Variants in PDE1C observed in about 807,000 individuals in gnomAD.
The protein encoded by PDE1C is dual specificity calcium/calmodulin-dependent 3',5'-cyclic nucleotide phosphodiesterase 1C.
Under a neutral mutation model 93.1 loss-of-function variants are expected in PDE1C, and 62 were observed. That is an observed-to-expected ratio of 0.67 (90% CI 0.54 to 0.82). The LOEUF is 0.82. PDE1C is among the 40% of genes least tolerant of loss of function. The pLI is 0.00. For synonymous variants in PDE1C, 325 were observed against 310.1 expected, an observed-to-expected ratio of 1.05 and a Z score of -0.50; for missense variants, 742 against 884.6, an observed-to-expected ratio of 0.84 and a Z score of 2.04.
chr7:32,213,587 C>T (rs1981634), intron 1 of PDE1C, among the ~76,000 whole-genome samples: 61,682 of 152,042 alleles, frequency 0.41, 12,575 homozygotes, highest in East Asian at 0.54. Context: ...CAGGCCTGTT[C>T]GGACACACCC....
At position 31,828,295 on chromosome 7, in the gene PDE1C, C is replaced by A; in HGVS notation, c.1282G>T (p.Val428Leu). ...CCAAAGAGCTGCAAACACGTACCTA[C>A]TTGTGACTGAGCAACCATAGTGGAC... ...RKSTMVAQSQ[V>L]GFIDFIVEPT... The change falls in exon 12 of 18, where the codon GTA becomes TTA. Residue 428 changes from valine (V) to leucine (L), a missense_variant. Transcript: ENST00000396191. 6.2e-7 allele frequency: 1 copy of A among 1,612,022 alleles called. No homozygotes were observed. Among genetic ancestry groups the A allele is most frequent in the Non-Finnish European group, 8.5e-7 (1 of 1,178,484 alleles).
chr7:32,077,944 G>A (rs769271533), intron 3 of PDE1C: 218 of 985,284 alleles, frequency 2.2e-4, no homozygotes, highest in Non-Finnish European at 2.6e-4. Context: ...CTCTCCTCCA[G>A]CTAGTGGCAG....
intron 16 of PDE1C, chr7:31,783,568 A>C (rs975141957): frequency 2.6e-5 from 4 of 152,038 alleles, no homozygotes; most frequent in Non-Finnish European, 4.4e-5. Context: ...TCAGAAGAAC[A>C]TACAAGTACT....
At chr7:31,988,606 A>G (rs575836586) in intron 2 of PDE1C, among the ~76,000 whole-genome samples, 4 of 152,132 alleles carry the variant, frequency 2.6e-5, no homozygotes, top group Non-Finnish European at 5.9e-5. Flanking sequence ...CCTGTAGTCC[A>G]GCTACTTGGG....
At chr7:32,013,343 G>C (rs532377042) in intron 2 of PDE1C, among the ~76,000 whole-genome samples, 2 of 152,278 alleles carry the variant, frequency 1.3e-5, no homozygotes, top group Admixed American at 6.5e-5. Flanking sequence ...TAAAGAAATA[G>C]TACTTGAACA....
chr7:32,387,647 C>T (rs1269271460), intron 1 of PDE1C, among the ~76,000 whole-genome samples: 1 of 150,664 alleles, frequency 6.6e-6, no homozygotes, highest in Admixed American at 6.6e-5. Context: ...CCCCACCTCC[C>T]TCCCGGACGG....
upstream of PDE1C, among the ~76,000 whole-genome samples, chr7:32,076,191 T>C (rs1298475412): frequency 1.3e-5 from 2 of 152,182 alleles, no homozygotes; most frequent in African/African-American, 2.4e-5. Context: ...GGGGGTGATA[T>C]GTGACTGAAA....
intron 1 of PDE1C, among the ~76,000 whole-genome samples, chr7:32,349,444 G>C (rs1164485217): frequency 6.6e-6 from 1 of 152,126 alleles, no homozygotes; most frequent in African/African-American, 2.4e-5. Flanking sequence ...CTCCCTCTCT[G>C]GTCCTAAAAG....
intron 2 of PDE1C, among the ~76,000 whole-genome samples, chr7:32,198,001 TAGC>T (rs1242322939): frequency 1.3e-5 from 2 of 152,202 alleles, no homozygotes; most frequent in East Asian, 1.9e-4. Flanking sequence ...TAAAACTAAA[TAGC>T]AGCAATCATC....
the PDE1C span, among the ~76,000 whole-genome samples, chr7:31,632,488 T>C: frequency 1.3e-5 from 2 of 152,262 alleles, no homozygotes; most frequent in East Asian, 1.9e-4. Context: ...CATGACAGGA[T>C]GGAACCATGG....
At chr7:31,661,763 T>C in the PDE1C span, among the ~76,000 whole-genome samples, 1 of 152,162 alleles carries the variant, frequency 6.6e-6, no homozygotes, top group African/African-American at 2.4e-5. Context: ...CTGTTCATTC[T>C]TCTAAGTAAA....
intron 1 of PDE1C, among the ~76,000 whole-genome samples, chr7:32,210,215 G>T (rs1034087417): frequency 1.3e-5 from 2 of 152,086 alleles, no homozygotes; most frequent in African/African-American, 4.8e-5. Flanking sequence ...CCATTGTATT[G>T]GGTAAAAGAG....
chr7:32,295,307 C>T (rs1237793435), intron 1 of PDE1C, among the ~76,000 whole-genome samples: 1 of 152,182 alleles, frequency 6.6e-6, no homozygotes, highest in Non-Finnish European at 1.5e-5. Flanking sequence ...TGGGAGGCAG[C>T]ATGATGTGTG....
chr7:31,802,493 ATG>A (rs1786191251), intron 16 of PDE1C, among the ~76,000 whole-genome samples: 1 of 151,644 alleles, frequency 6.6e-6, no homozygotes, highest in Non-Finnish European at 1.5e-5. Context: ...ATATTTACCT[ATG>A]TAGTTGCCAT....
chr7:31,691,302 T>C, the PDE1C span, among the ~76,000 whole-genome samples: 1 of 152,232 alleles, frequency 6.6e-6, no homozygotes, highest in East Asian at 1.9e-4. Flanking sequence ...ACTCATTTTA[T>C]GAGCTTGAAA....
chr7:32,291,261 CTG>C, intron 1 of PDE1C, among the ~76,000 whole-genome samples: 1 of 152,358 alleles, frequency 6.6e-6, no homozygotes, highest in East Asian at 1.9e-4. Flanking sequence ...TCTGCACAGA[CTG>C]TCTCTCAAAT....
At chr7:32,254,249 TG>T (rs1304689514) in intron 1 of PDE1C, among the ~76,000 whole-genome samples, 5 of 152,128 alleles carry the variant, frequency 3.3e-5, no homozygotes, top group Non-Finnish European at 7.4e-5. Flanking sequence ...AACAACAGGA[TG>T]AGACTCTGAG....
At chr7:31,849,106 G>A (rs1374628779) in intron 8 of PDE1C, among the ~76,000 whole-genome samples, 5 of 152,196 alleles carry the variant, frequency 3.3e-5, no homozygotes, top group Admixed American at 6.6e-5. Context: ...AGATAACGCA[G>A]AACATTCAAA....
At chr7:32,347,234 A>T (rs1297584375) in intron 1 of PDE1C, among the ~76,000 whole-genome samples, 2 of 152,280 alleles carry the variant, frequency 1.3e-5, no homozygotes, top group South Asian at 2.1e-4. Context: ...GACTGAGAAC[A>T]CCTTAGACAA....
Sources: gnomAD v4.1 joint callset for allele counts (sites outside exome capture counted in the v4.1 genomes callset) on GRCh38, gnomAD v4.1.1 for gene constraint, MANE v1.5 for transcripts, NCBI Gene and HGNC (gene_info 2026-07-23, HGNC 2026-07-21) for gene names.